LRCH2: variants seen among roughly 807,000 people sequenced by gnomAD.
LRCH2 encodes the protein leucine-rich repeat and calponin homology domain-containing protein 2.
LRCH2 carries 38 observed loss-of-function variants against 68.9 expected under a neutral mutation model. The observed-to-expected ratio is 0.55, with a 90% CI of 0.43 to 0.72. The LOEUF (loss-of-function observed/expected upper bound fraction) is 0.72. Ranked by LOEUF, LRCH2 falls within the 30% of genes least tolerant of loss-of-function variation. LRCH2 has a pLI of 0.00. For synonymous variants in LRCH2, 191 were observed against 208.1 expected (o/e 0.92, Z 0.71); for missense variants, 528 against 572.9 (o/e 0.92, Z 0.80).
chrX:115,198,416 T>C (rs2072906949), intron 1 of LRCH2: 1 of 111,982 alleles, frequency 8.9e-6, no homozygotes, highest in Middle Eastern at 4.6e-3. Context: ...ACAGCCACCA[T>C]TGCAGAGCAG....
At chrX:115,231,962 T>A (rs1317873061) in intron 1 of LRCH2, among the ~76,000 whole-genome samples, 2 of 111,464 alleles carry the variant, frequency 1.8e-5, no homozygotes, top group Non-Finnish European at 3.8e-5. Context: ...TTGGAGACAA[T>A]TTCTTGGAAG....
chrX:115,192,373 G>A (rs1340040590), intron 1 of LRCH2: 14 of 1,158,972 alleles, frequency 1.2e-5, no homozygotes, highest in Admixed American at 5.2e-5. Flanking sequence ...CGACCGCTAC[G>A]GAGGAGGAGG....
Position 115,141,830 on chromosome X carries a change from T to C in LRCH2, c.1695+7997A>G, listed in dbSNP as rs6644189. ...CAGAGGCTGCAGTGAGCCGAGATCA[T>C]GCCATTTCACTCCAGCCTGGGTGAC... On this transcript the variant is annotated intron_variant, in intron 14 of 20. Coordinates refer to ENST00000317135, the MANE Select transcript of LRCH2 (RefSeq NM_020871.4). Among the ~76,000 whole-genome samples, 57 of 98,742 alleles carry C rather than the reference T, an allele frequency of 5.8e-4. No homozygotes were observed. In the East Asian group the frequency reaches 0.016, roughly 28 times the overall value. 85.7% of individuals were successfully genotyped at this position (98,742 alleles called of 115,157 possible). A position where few individuals can be genotyped will look rare whatever the true frequency, so the allele number is the denominator to read the frequency against.
intron 1 of LRCH2, among the ~76,000 whole-genome samples, chrX:115,195,768 T>C (rs1400151926): frequency 9.0e-6 from 1 of 111,257 alleles, no homozygotes; most frequent in Non-Finnish European, 1.9e-5. Flanking sequence ...TGCAGTCCAC[T>C]TTCCCACTGG....
chrX:115,212,326 T>G (rs1265961676), intron 1 of LRCH2, among the ~76,000 whole-genome samples: 1 of 112,116 alleles, frequency 8.9e-6, no homozygotes, highest in Non-Finnish European at 1.9e-5. Flanking sequence ...GAACCTGAGC[T>G]GAGGGAACCC....
chrX:115,122,371 C>G (rs1314994115), intron 20 of LRCH2, among the ~76,000 whole-genome samples, 156 bp downstream of exon 20: 1 of 111,495 alleles, frequency 9.0e-6, no homozygotes, highest in African/African-American at 3.3e-5. Context: ...CATTAGATAA[C>G]TGCTACAGTG....
At position 115,190,033 on chromosome X, in the gene LRCH2, C is replaced by T. The variant is rs374672415; in HGVS notation, c.350-1663G>A. The stretch of plus-strand genomic sequence containing the variant: ...TGGCTACTCAGGCTTGCAGCCACGG[C>T]GCTGGGCCGGCCCACCCCACAAGAG... On this transcript the variant is annotated intron_variant, in intron 1 of 20. Coordinates refer to ENST00000317135, the MANE Select transcript of LRCH2 (RefSeq NM_020871.4). The T allele has an allele frequency of 3.8e-4, 434 of 1,156,185 alleles. 2 individuals are homozygous for T. In the East Asian group the frequency reaches 3.9e-3, roughly 10 times the overall value.
rs782463436 is a variant in LRCH2 at position 115,190,450 on chromosome X, C to A, written c.350-2080G>T. ...CTACGAGGAGTACCAGGGCAACTCG[C>A]CCGATGCCTGCAGTGAAGGCCGCTC... On this transcript the variant is annotated intron_variant, in intron 1 of 20. Coordinates refer to ENST00000317135, the MANE Select transcript of LRCH2 (RefSeq NM_020871.4). 1 of 1,167,353 alleles carries A rather than the reference C, an allele frequency of 8.6e-7. No individual in the cohort carries two copies.
intron 20 of LRCH2, among the ~76,000 whole-genome samples, chrX:115,120,762 G>A (rs1377762803): frequency 1.9e-5 from 2 of 103,777 alleles, no homozygotes; most frequent in Non-Finnish European, 3.9e-5. Context: ...CAAAGACTTG[G>A]AACCAACCCA....
intron 14 of LRCH2, among the ~76,000 whole-genome samples, chrX:115,136,805 A>G (rs868938625): frequency 4.3e-4 from 48 of 112,443 alleles, no homozygotes; most frequent in African/African-American, 1.5e-3. Flanking sequence ...TCTTATTGGT[A>G]ATGGGAAGCC....
intron 11 of LRCH2, among the ~76,000 whole-genome samples, chrX:115,163,198 G>A (rs1468917227): frequency 3.6e-5 from 4 of 111,297 alleles, no homozygotes; most frequent in African/African-American, 6.5e-5. Context: ...GAGTTTAGAC[G>A]TATGCCAAGT....
intron 12 of LRCH2, among the ~76,000 whole-genome samples, chrX:115,151,879 A>G (rs1218252465): frequency 9.0e-6 from 1 of 111,003 alleles, no homozygotes; most frequent in African/African-American, 3.3e-5. Context: ...CAGGCCCAGA[A>G]TTCAGGAGAC....
chrX:115,152,655 G>A (rs781948269), intron 12 of LRCH2, among the ~76,000 whole-genome samples: 1 of 111,101 alleles, frequency 9.0e-6, no homozygotes, highest in East Asian at 2.9e-4. Flanking sequence ...TGGCCTAATT[G>A]GAGTTCCATA....
chrX:115,194,854 CAG>C (rs2147337204), intron 1 of LRCH2, among the ~76,000 whole-genome samples: 1 of 110,995 alleles, frequency 9.0e-6, no homozygotes, highest in South Asian at 3.9e-4. Flanking sequence ...TTTTTTGAAA[CAG>C]AGGTGCAATG....
intron 1 of LRCH2, among the ~76,000 whole-genome samples, chrX:115,217,800 C>T (rs892849953): frequency 1.2e-4 from 13 of 111,663 alleles, no homozygotes; most frequent in Admixed American, 2.8e-4. Context: ...TGAGGAATTG[C>T]CACACTGTCT....
intron 1 of LRCH2, chrX:115,189,519 C>T (rs1017050086): frequency 3.4e-6 from 4 of 1,182,255 alleles, no homozygotes; most frequent in Middle Eastern, 2.3e-4. Context: ...CCCTCAAAGC[C>T]GAGTTTGGCA....
chrX:115,206,426 G>A (rs1212334067), intron 1 of LRCH2, among the ~76,000 whole-genome samples: 1 of 111,996 alleles, frequency 8.9e-6, no homozygotes, highest in African/African-American at 3.2e-5. Context: ...ACCGGAATGA[G>A]GGCAAGGAAC....
chrX:115,160,713 T>C (rs1291039939), intron 11 of LRCH2, among the ~76,000 whole-genome samples: 2 of 112,016 alleles, frequency 1.8e-5, no homozygotes, highest in Non-Finnish European at 3.8e-5. Flanking sequence ...TTCACTAATA[T>C]ATTTGGAATA....
At chrX:115,183,712 A>G (rs1556553464) in intron 3 of LRCH2, among the ~76,000 whole-genome samples, 3 of 111,681 alleles carry the variant, frequency 2.7e-5, no homozygotes, top group African/African-American at 9.8e-5. Flanking sequence ...AACTTTAAAA[A>G]TACCTGTTTA....
Sources: allele counts gnomAD v4.1 joint callset (sites outside exome capture counted in the v4.1 genomes callset), GRCh38; gene constraint gnomAD v4.1.1; transcripts MANE v1.5; gene names NCBI Gene and HGNC (gene_info 2026-07-23, HGNC 2026-07-21).